The following PCDHA1 variants were observed in gnomAD, a reference collection of about 807,000 sequenced individuals.
PCDHA1 encodes protocadherin alpha 1.
Under a neutral mutation model 61.3 loss-of-function variants are expected in PCDHA1, and 42 were observed. That is an observed-to-expected ratio of 0.69 (90% CI 0.54 to 0.89). The LOEUF is 0.89. PCDHA1 is among the 40% of genes least tolerant of loss of function. The pLI is 0.00. For missense variants in PCDHA1, 1,256 were observed against 1,235.3 expected (o/e 1.02, Z -0.25); for synonymous variants, 610 against 553.8 (o/e 1.10, Z -1.43).
intron 1 of PCDHA1, chr5:140,929,499 C>T: frequency 1.0e-6 from 1 of 980,264 alleles, no homozygotes; most frequent in Non-Finnish European, 1.4e-6. Context: ...GAAGATTGCC[C>T]TAGGCCTCAA....
chr5:140,852,882 C>A (rs1562485802), intron 1 of PCDHA1: 2 of 936,178 alleles, frequency 2.1e-6, no homozygotes, highest in South Asian at 4.9e-5. Flanking sequence ...AATCATAAAA[C>A]GTATTTTTTT....
chr5:140,863,068 C>A, intron 1 of PCDHA1: 1 of 567,906 alleles, frequency 1.8e-6, no homozygotes. Context: ...CCACGTGGGG[C>A]TCTGCACGGG....
intron 3 of PCDHA1, among the ~76,000 whole-genome samples, chr5:140,990,902 C>G (rs2097421729): frequency 6.6e-6 from 1 of 152,112 alleles, no homozygotes; most frequent in African/African-American, 2.4e-5. Flanking sequence ...GTTGCTGGGT[C>G]AAGTTTTATA....
At chr5:140,984,260 A>G (rs2097093759) in intron 3 of PCDHA1, among the ~76,000 whole-genome samples, 1 of 152,172 alleles carries the variant, frequency 6.6e-6, no homozygotes, top group South Asian at 2.1e-4. Context: ...GTAAGCCACA[A>G]ACTAACTTTG....
rs185929013 is a variant in PCDHA1 at position 140,956,196 on chromosome 5, T to G, written c.2395-22753T>G. 2.6e-5 allele frequency among the ~76,000 whole-genome samples: 4 copies of G among 152,188 alleles called. No homozygotes were observed. In the East Asian group the frequency reaches 7.7e-4, roughly 29 times the overall value. On this transcript the variant is annotated intron_variant, in intron 1 of 3. Coordinates refer to ENST00000504120, the MANE Select transcript of PCDHA1 (RefSeq NM_018900.4). The stretch of plus-strand genomic sequence containing the variant: ...CTTCCAATACTATGCTGAATAGGAG[T>G]GGTGAAAGAGGGCATCCTTGTCTTG...
intron 1 of PCDHA1, among the ~76,000 whole-genome samples, chr5:140,959,188 G>A (rs782018838): frequency 6.6e-6 from 1 of 151,982 alleles, no homozygotes; most frequent in Non-Finnish European, 1.5e-5. Context: ...ACCAGTCTGG[G>A]CAACATGGTG....
Position 140,914,039 on chromosome 5 carries a change from G to A in PCDHA1, c.2395-64910G>A, listed in dbSNP as rs147787020. Among the ~76,000 whole-genome samples the A allele has an allele frequency of 2.0e-5, 3 of 152,238 alleles. No individual in the cohort carries two copies. In the East Asian group the frequency reaches 5.8e-4, roughly 29 times the overall value. ...ATGATCCACGTGCTGAGAAGAATGT[G>A]TATTCTGCAGCTGTTGGATGAAATG... is the stretch of plus-strand genomic sequence containing the variant. On this transcript the variant is annotated intron_variant, in intron 1 of 3. Coordinates refer to ENST00000504120, the MANE Select transcript of PCDHA1 (RefSeq NM_018900.4).
At chr5:140,823,256 T>C (rs1269305597) in intron 1 of PCDHA1, 5 of 1,613,056 alleles carry the variant, frequency 3.1e-6, no homozygotes, top group African/African-American at 1.3e-5. Context: ...TACTCGCTGG[T>C]GGAGCGGCGG....
chr5:140,848,357 T>A (rs2150409370), intron 1 of PCDHA1: 1 of 1,035,382 alleles, frequency 9.7e-7, no homozygotes, highest in Non-Finnish European at 1.4e-6. Flanking sequence ...CCTTTTCCCA[T>A]GGGAAAGAGG....
At chr5:140,827,439 C>T (rs1581843198) in intron 1 of PCDHA1, among the ~76,000 whole-genome samples, 1 of 152,282 alleles carries the variant, frequency 6.6e-6, no homozygotes, top group South Asian at 2.1e-4. Flanking sequence ...TCCATCATTA[C>T]ACAGAAGAAC....
chr5:140,990,649 T>C (rs1465284882), intron 3 of PCDHA1, among the ~76,000 whole-genome samples: 1 of 152,212 alleles, frequency 6.6e-6, no homozygotes, highest in African/African-American at 2.4e-5. Context: ...TCAGCCAGTA[T>C]GAATGATTTA....
chr5:140,809,392 C>A (rs782047510), intron 1 of PCDHA1: 1 of 1,614,100 alleles, frequency 6.2e-7, no homozygotes, highest in Admixed American at 1.7e-5. Flanking sequence ...GCGCTCCGGG[C>A]AAGCCCACGC....
At chr5:140,978,903 C>T in intron 1 of PCDHA1, 46 bp from the exon 2 acceptor site, 4 of 1,613,202 alleles carry the variant, frequency 2.5e-6, no homozygotes, top group Middle Eastern at 1.7e-4. Flanking sequence ...CCTGGGAGAA[C>T]ATTGTCTTGT....
chr5:140,823,294 G>C lies in PCDHA1; in HGVS notation c.2394+34610G>C. On this transcript the variant is annotated intron_variant, in intron 1 of 3. Transcript: ENST00000504120. ...GGGCGAGCGCCCGCTGTCGAGTTACGTTTCGGTGCACGCGGAGAGCGGCAA... is the reference window on the plus strand; with the variant it reads ...GGGCGAGCGCCCGCTGTCGAGTTACCTTTCGGTGCACGCGGAGAGCGGCAA... 3.7e-6 allele frequency: 6 copies of C among 1,612,492 alleles called. No individual in the cohort carries two copies. In the East Asian group the frequency reaches 1.3e-4, roughly 36 times the overall value.
chr5:140,806,470 T>C (rs1763735748), intron 1 of PCDHA1, among the ~76,000 whole-genome samples: 1 of 152,222 alleles, frequency 6.6e-6, no homozygotes, highest in Non-Finnish European at 1.5e-5. Flanking sequence ...TCCTGCTTCC[T>C]TGCACTTTCA....
At chr5:140,906,502 CAAAG>C (rs1295778527) in intron 1 of PCDHA1, among the ~76,000 whole-genome samples, 1 of 152,180 alleles carries the variant, frequency 6.6e-6, no homozygotes, top group African/African-American at 2.4e-5. Context: ...ATGTTTTTAA[CAAAG>C]AAGGAGGAAA....
Position 140,884,183 on chromosome 5 carries a change from G to T in PCDHA1, c.2395-94766G>T, listed in dbSNP as rs201206731. 6.2e-6 allele frequency: 10 copies of T among 1,613,306 alleles called. No individual in the cohort carries two copies. The East Asian group carries it at 6.7e-5, about 11-fold the overall frequency. The stretch of plus-strand genomic sequence containing the variant: ...GATCAGCACGACGCGCCCTCTGGAC[G>T]AGGTGGACGCGCCGCACCACCGCCT... On this transcript the variant is annotated intron_variant, in intron 1 of 3. Transcript: ENST00000504120.
chr5:140,837,239 AT>A (rs1774971058), intron 1 of PCDHA1: 1 of 152,014 alleles, frequency 6.6e-6, no homozygotes, highest in African/African-American at 2.4e-5. Flanking sequence ...TTTTACATCT[AT>A]TTATCTTCTT....
intron 1 of PCDHA1, among the ~76,000 whole-genome samples, chr5:140,956,122 A>T (rs1371284760): frequency 6.6e-6 from 1 of 152,116 alleles, no homozygotes; most frequent in Non-Finnish European, 1.5e-5. Context: ...CTCTCTTCCT[A>T]TTTGAATACC....
Sources: allele counts gnomAD v4.1 joint callset (sites outside exome capture counted in the v4.1 genomes callset), GRCh38; gene constraint gnomAD v4.1.1; transcripts MANE v1.5; gene names NCBI Gene and HGNC (gene_info 2026-07-23, HGNC 2026-07-21).